PRL: variants seen among roughly 807,000 people sequenced by gnomAD.
The protein encoded by PRL is decidual prolactin.
In PRL, 24 loss-of-function variants were observed where a neutral mutation model predicts 21.3. The observed-to-expected ratio is 1.13, with a 90% CI of 0.82 to 1.59. The LOEUF (loss-of-function observed/expected upper bound fraction) is 1.59. Ranked by LOEUF, PRL falls within the 40% of genes most tolerant of loss-of-function variation. The probability of loss-of-function intolerance (pLI) is 0.00; values close to 1 mark genes in which losing one functional copy is unlikely to be tolerated. For synonymous variants in PRL, 118 were observed against 115.7 expected (o/e 1.02, Z -0.13); for missense variants, 243 against 286.9 (o/e 0.85, Z 1.10).
At chr6:22,293,615 GA>G (rs1761101528) in intron 2 of PRL, among the ~76,000 whole-genome samples, 1 of 34,432 alleles carries the variant, frequency 2.9e-5, no homozygotes, top group South Asian at 8.7e-4. Context: ...AGGAAGGGAG[GA>G]GGGAAGGAGG....
chr6:22,293,747 G>A (rs761810155), intron 2 of PRL, among the ~76,000 whole-genome samples: 2 of 135,366 alleles, frequency 1.5e-5, no homozygotes, highest in South Asian at 2.5e-4. Flanking sequence ...GGGAGGGGAA[G>A]CAAGGAAGGA....
At position 22,294,668 on chromosome 6, in the gene PRL, T is replaced by C. The variant is rs1761137691; in HGVS notation, c.29-84A>G. On this transcript the variant is annotated intron_variant, in intron 1 of 4. Coordinates refer to ENST00000306482, the MANE Select transcript of PRL (RefSeq NM_000948.6). ...AGTAATCCTGCCGAGGAAAGCCTTATTGCTCCCCACTGCCCTCAGCTGCCT... is the reference window on the plus strand; with the variant it reads ...AGTAATCCTGCCGAGGAAAGCCTTACTGCTCCCCACTGCCCTCAGCTGCCT... 2.8e-6 allele frequency: 4 copies of C among 1,422,620 alleles called. No individual in the cohort carries two copies. The Admixed American group carries it at 1.0e-4, about 37-fold the overall frequency. 88.1% of individuals were successfully genotyped at this position (1,422,620 alleles called of 1,614,324 possible).
At chr6:22,297,958 T>C (rs557611523), upstream of PRL, among the ~76,000 whole-genome samples, 3 of 152,306 alleles carry the variant, frequency 2.0e-5, no homozygotes, top group South Asian at 6.2e-4. Context: ...GGAAATGAAT[T>C]CTCTTGTAAA....
chr6:22,288,366 T>A lies in PRL; in HGVS notation c.493-773A>T, dbSNP rs573837550. On this transcript the variant is annotated intron_variant, in intron 4 of 4. Coordinates refer to ENST00000306482, the MANE Select transcript of PRL (RefSeq NM_000948.6). The surrounding 1 kb of genome is among the most constrained non-coding windows in gnomAD (Gnocchi z 4.5). ...CTGGCCAACATGGTGAAATCCCATC[T>A]CTACAAAAACATACAAAAATCAGCC... is the stretch of plus-strand genomic sequence containing the variant. Among the ~76,000 whole-genome samples the A allele has an allele frequency of 1.3e-5, 2 of 152,122 alleles. No homozygotes were observed. The highest frequency in any genetic ancestry group is 4.2e-4 in the South Asian group (2 of 4,804).
At chr6:22,292,031 T>G (rs1761061078) in intron 3 of PRL, among the ~76,000 whole-genome samples, 2 of 151,830 alleles carry the variant, frequency 1.3e-5, no homozygotes, top group South Asian at 2.1e-4. Context: ...GGCAGAAGAG[T>G]CAGTGAAGAA....
Position 22,296,146 on chromosome 6 carries a change from A to G in PRL, c.28+809T>C, listed in dbSNP as rs146851390. The stretch of plus-strand genomic sequence containing the variant: ...GTCTAGGAAATTCACAACTGGATAG[A>G]TGTTCTGTAACTCTGAGTACATTTA... On this transcript the variant is annotated intron_variant, in intron 1 of 4. Coordinates refer to ENST00000306482, the MANE Select transcript of PRL (RefSeq NM_000948.6). Among the ~76,000 whole-genome samples, 303 of 152,334 alleles carry G rather than the reference A, an allele frequency of 2.0e-3. 1 individual carries two copies. Among genetic ancestry groups the G allele is most frequent in the African/African-American group, 6.7e-3 (278 of 41,578 alleles).
intron 2 of PRL, 54 bp from the exon 3 acceptor site, chr6:22,292,699 A>G (rs1212145540): frequency 2.8e-6 from 4 of 1,437,724 alleles, no homozygotes; most frequent in Non-Finnish European, 3.9e-6. Context: ...CATTGAATAA[A>G]TGAATCCATT....
rs1761071055 is a variant in PRL at position 22,292,523 on chromosome 6, G to A, written c.312+15C>T. The A allele has an allele frequency of 6.2e-7, 1 of 1,608,134 alleles. No individual in the cohort carries two copies. Reference sequence around the variant, plus strand: ...CCTTGGTTGTTTTGGTGCAAAGCCTGGATGAAGGACTCACATTCATCTGTT... The same window carrying A: ...CCTTGGTTGTTTTGGTGCAAAGCCTAGATGAAGGACTCACATTCATCTGTT... On this transcript the variant is annotated intron_variant, in intron 3 of 4. Coordinates refer to ENST00000306482, the MANE Select transcript of PRL (RefSeq NM_000948.6).
intron 4 of PRL, 120 bp downstream of exon 4, chr6:22,290,054 A>T (rs1264679658): frequency 5.4e-6 from 5 of 918,462 alleles, no homozygotes; most frequent in Non-Finnish European, 7.5e-6. Context: ...TGCTTTATTT[A>T]ATAGCGGTCT....
chr6:22,287,620 A>G (rs778732990), intron 4 of PRL, 27 bp from the exon 5 acceptor site: 7 of 1,521,368 alleles, frequency 4.6e-6, no homozygotes, highest in South Asian at 2.5e-5. Context: ...AGAGTGACTT[A>G]TTCTTCATAT....
At chr6:22,287,710 C>T in intron 4 of PRL, 117 bp from the exon 5 acceptor site, 1 of 943,870 alleles carries the variant, frequency 1.1e-6, no homozygotes, top group Non-Finnish European at 1.5e-6. Flanking sequence ...AAGTTTTAGA[C>T]AAAGGCAATG....
upstream of PRL, chr6:22,297,153 C>T (rs1474256839): frequency 1.7e-5 from 11 of 637,640 alleles, no homozygotes; most frequent in East Asian, 2.5e-4. Context: ...AGATTACCCC[C>T]ATAATTTCAA....
intron 1 of PRL, among the ~76,000 whole-genome samples, chr6:22,295,663 A>G (rs1035934540): frequency 2.0e-5 from 3 of 152,172 alleles, no homozygotes; most frequent in Non-Finnish European, 2.9e-5. Flanking sequence ...TCCTATATAT[A>G]TCAATAATTT....
chr6:22,300,817 A>T (rs1761269835), upstream of PRL, among the ~76,000 whole-genome samples: 1 of 151,868 alleles, frequency 6.6e-6, no homozygotes, highest in South Asian at 2.1e-4. Flanking sequence ...TGTAATTCTT[A>T]TTTTTTTCTT....
rs1303273334 is a variant in PRL at position 22,288,159 on chromosome 6, T to A, written c.493-566A>T. 1.3e-5 allele frequency among the ~76,000 whole-genome samples: 2 copies of A among 152,218 alleles called. No homozygotes were observed. The highest frequency in any genetic ancestry group is 2.9e-5 in the Non-Finnish European group (2 of 68,008). On this transcript the variant is annotated intron_variant, in intron 4 of 4. Transcript: ENST00000306482. The surrounding 1 kb of genome is among the most constrained non-coding windows in gnomAD (Gnocchi z 4.5). Reference sequence around the variant, plus strand: ...AAAGCTGCTTACATAGTCAGGAGATTTTCATTTCCTCAAATTTCTAGGGGA... The same window carrying A: ...AAAGCTGCTTACATAGTCAGGAGATATTCATTTCCTCAAATTTCTAGGGGA...
intron 3 of PRL, 84 bp downstream of exon 3, chr6:22,292,454 C>T: frequency 1.6e-6 from 2 of 1,253,572 alleles, no homozygotes; most frequent in African/African-American, 1.5e-5. Context: ...ACAATTACCA[C>T]TAGCTATTAC....
At chr6:22,297,077 T>C (rs1761195768), upstream of PRL, 1 of 1,294,226 alleles carries the variant, frequency 7.7e-7, no homozygotes, top group Non-Finnish European at 1.1e-6. Context: ...AAACCTTTGA[T>C]ATCTTCATGA....
In PRL at chr6:22,292,008, A is replaced by G. The variant is rs115666566; in HGVS notation, c.312+530T>C. ...TGAGGGGAGTGGTGACTTTTAACTAAGAAGTAAGAGAGGGCAGAAGAGTCA... is the reference window on the plus strand; with the variant it reads ...TGAGGGGAGTGGTGACTTTTAACTAGGAAGTAAGAGAGGGCAGAAGAGTCA... On this transcript the variant is annotated intron_variant, in intron 3 of 4. Coordinates refer to ENST00000306482, the MANE Select transcript of PRL (RefSeq NM_000948.6). 1.4e-3 allele frequency among the ~76,000 whole-genome samples: 213 copies of G among 152,232 alleles called. 1 individual carries two copies. The highest frequency in any genetic ancestry group is 0.01 in the Middle Eastern group (3 of 294).
chr6:22,289,211 G>T (rs1181151904), intron 4 of PRL, among the ~76,000 whole-genome samples: 1 of 152,176 alleles, frequency 6.6e-6, no homozygotes, highest in Admixed American at 6.5e-5. Context: ...GTTAAAATGT[G>T]CTTTGTGTTT....
Sources: allele counts gnomAD v4.1 joint callset (sites outside exome capture counted in the v4.1 genomes callset), GRCh38; gene constraint gnomAD v4.1.1; non-coding constraint Gnocchi (gnomAD v3.1); transcripts MANE v1.5; gene names NCBI Gene and HGNC (gene_info 2026-07-23, HGNC 2026-07-21).